The following SLC24A2 variants were observed in gnomAD, a reference collection of about 807,000 sequenced individuals.
The protein encoded by SLC24A2 is sodium/potassium/calcium exchanger 2.
A neutral mutation model predicts 62.0 loss-of-function variants in SLC24A2; 36 were observed. The observed-to-expected ratio is 0.58, with a 90% CI of 0.44 to 0.77. The LOEUF (loss-of-function observed/expected upper bound fraction) is 0.77, where lower values mean the gene tolerates loss of function less well. Among genes scored for constraint, SLC24A2 ranks in the 30% least tolerant of loss-of-function variants. SLC24A2 has a pLI of 0.00. For synonymous variants in SLC24A2, 358 were observed against 294.0 expected (o/e 1.22, Z -2.23); for missense variants, 846 against 817.9 (o/e 1.03, Z -0.42).
chr9:19,729,253 C>A (rs1362417772), intron 2 of SLC24A2, among the ~76,000 whole-genome samples: 1 of 152,094 alleles, frequency 6.6e-6, no homozygotes, highest in African/African-American at 2.4e-5. Flanking sequence ...GGTAGTGACT[C>A]TTATACACTG....
At chr9:19,769,949 C>A (rs2118888337) in intron 2 of SLC24A2, among the ~76,000 whole-genome samples, 1 of 152,164 alleles carries the variant, frequency 6.6e-6, no homozygotes, top group South Asian at 2.1e-4. Flanking sequence ...AGGTCAGTAG[C>A]AGGCACTGTG....
At chr9:19,678,525 A>C (rs1819622668) in intron 2 of SLC24A2, among the ~76,000 whole-genome samples, 1 of 152,206 alleles carries the variant, frequency 6.6e-6, no homozygotes, top group Non-Finnish European at 1.5e-5. Context: ...TCTATTTAAA[A>C]AACATTGCAG....
chr9:19,815,649 C>A, the SLC24A2 span, among the ~76,000 whole-genome samples: 1 of 152,132 alleles, frequency 6.6e-6, no homozygotes, highest in East Asian at 1.9e-4. Flanking sequence ...CTTTTGCCTG[C>A]AGTTTCAAAA....
At chr9:20,270,744 C>A in the SLC24A2 span, among the ~76,000 whole-genome samples, 30 of 152,220 alleles carry the variant, frequency 2.0e-4, no homozygotes, top group Non-Finnish European at 3.1e-4. Flanking sequence ...GGACAAAAAC[C>A]CGTGTCATCA....
chr9:19,663,752 A>G (rs1819170535), intron 2 of SLC24A2, among the ~76,000 whole-genome samples: 1 of 152,194 alleles, frequency 6.6e-6, no homozygotes, highest in South Asian at 2.1e-4. Flanking sequence ...AATAGCACTG[A>G]TTAAACTAAG....
At chr9:19,991,252 G>A in the SLC24A2 span, among the ~76,000 whole-genome samples, 1 of 152,014 alleles carries the variant, frequency 6.6e-6, no homozygotes, top group Non-Finnish European at 1.5e-5. Flanking sequence ...GCAAGCCACT[G>A]GTGTAAGTCC....
chr9:20,165,348 T>C, the SLC24A2 span, among the ~76,000 whole-genome samples: 3 of 151,720 alleles, frequency 2.0e-5, no homozygotes, highest in African/African-American at 7.3e-5. Context: ...ATAAAATAGC[T>C]AGGAAAATAA....
chr9:19,853,335 C>A, the SLC24A2 span, among the ~76,000 whole-genome samples: 2 of 152,108 alleles, frequency 1.3e-5, no homozygotes, highest in Non-Finnish European at 2.9e-5. Flanking sequence ...CCAGAACTTC[C>A]AATACTATGT....
intron 5 of SLC24A2, among the ~76,000 whole-genome samples, chr9:19,584,473 G>A (rs1836305489): frequency 6.6e-6 from 1 of 152,128 alleles, no homozygotes; most frequent in Non-Finnish European, 1.5e-5. Context: ...ACGAGGGTAT[G>A]GAGGCCCAGA....
At chr9:20,232,687 CT>C in the SLC24A2 span, among the ~76,000 whole-genome samples, 273 of 152,248 alleles carry the variant, frequency 1.8e-3, 1 homozygote, top group African/African-American at 5.8e-3. Flanking sequence ...AAAAAACCAG[CT>C]CCTGGATTCG....
the SLC24A2 span, among the ~76,000 whole-genome samples, chr9:20,175,593 A>G: frequency 6.6e-6 from 1 of 152,030 alleles, no homozygotes; most frequent in East Asian, 1.9e-4. Flanking sequence ...ACAATGCAAG[A>G]TACACTAAAA....
the SLC24A2 span, among the ~76,000 whole-genome samples, chr9:20,207,398 T>C: frequency 2.0e-5 from 3 of 152,210 alleles, no homozygotes; most frequent in African/African-American, 7.2e-5. Context: ...ACACTCTTGA[T>C]CTTTGTCCTT....
the SLC24A2 span, among the ~76,000 whole-genome samples, chr9:19,889,031 G>C: frequency 1.3e-5 from 2 of 152,148 alleles, no homozygotes; most frequent in Non-Finnish European, 1.5e-5. Flanking sequence ...GAGGAGGAGA[G>C]CCCTGGCCCC....
intron 2 of SLC24A2, among the ~76,000 whole-genome samples, chr9:19,750,989 G>T (rs144019097): frequency 1.3e-5 from 2 of 152,262 alleles, no homozygotes; most frequent in African/African-American, 4.8e-5. Flanking sequence ...AGATTTAGCT[G>T]CACCCCTAGT....
chr9:19,607,708 G>C (rs1005452603), intron 4 of SLC24A2, among the ~76,000 whole-genome samples: 2 of 121,982 alleles, frequency 1.6e-5, no homozygotes, highest in Non-Finnish European at 3.2e-5. Flanking sequence ...GATAGAGTGA[G>C]ACTCTGTCTC....
At chr9:20,234,936 C>T in the SLC24A2 span, among the ~76,000 whole-genome samples, 4 of 152,170 alleles carry the variant, frequency 2.6e-5, no homozygotes, top group African/African-American at 9.7e-5. Context: ...GTTCGTTTTC[C>T]TTCTAACAGA....
chr9:19,657,394 T>C (rs1272733367), intron 2 of SLC24A2, among the ~76,000 whole-genome samples: 1 of 152,184 alleles, frequency 6.6e-6, no homozygotes, highest in Non-Finnish European at 1.5e-5. Context: ...TTTTATTCAT[T>C]TTACCTTAAC....
chr9:20,220,666 T>G, the SLC24A2 span, among the ~76,000 whole-genome samples: 5 of 152,190 alleles, frequency 3.3e-5, no homozygotes, highest in East Asian at 9.7e-4. Flanking sequence ...GGTTGCAGAG[T>G]TTCCTATTTC....
chr9:19,887,638 T>C, the SLC24A2 span, among the ~76,000 whole-genome samples: 1 of 152,076 alleles, frequency 6.6e-6, no homozygotes, highest in Non-Finnish European at 1.5e-5. Context: ...TGGAAAACAG[T>C]GTGGAGATTC....
Sources: allele counts gnomAD v4.1 joint callset (sites outside exome capture counted in the v4.1 genomes callset), GRCh38; gene constraint gnomAD v4.1.1; transcripts MANE v1.5; gene names NCBI Gene and HGNC (gene_info 2026-07-23, HGNC 2026-07-21).